WDPCP: variants seen among roughly 807,000 people sequenced by gnomAD.
The protein encoded by WDPCP is WD repeat-containing and planar cell polarity effector protein fritz homolog.
Under a neutral mutation model 93.1 loss-of-function variants are expected in WDPCP, and 71 were observed. The ratio of observed to expected loss-of-function variants is 0.76; its 90% CI spans 0.63 to 0.93. WDPCP has a LOEUF of 0.93. Ranked by LOEUF, WDPCP falls within the 40% of genes least tolerant of loss-of-function variation. The pLI is 0.00. For synonymous variants in WDPCP, 315 were observed against 315.0 expected, an observed-to-expected ratio of 1.00 and a Z score of 0.00; for missense variants, 844 against 887.4, an observed-to-expected ratio of 0.95 and a Z score of 0.62.
At chr2:63,759,188 A>G (rs1488679585) in intron 2 of WDPCP, among the ~76,000 whole-genome samples, 1 of 151,900 alleles carries the variant, frequency 6.6e-6, no homozygotes, top group African/African-American at 2.4e-5. Flanking sequence ...AAGCTTTAGG[A>G]CCCCTCACTT....
At chr2:63,650,979 A>T (rs1710102151) in intron 2 of WDPCP, 1 of 152,172 alleles carries the variant, frequency 6.6e-6, no homozygotes, top group African/African-American at 2.4e-5. Flanking sequence ...AGCCCAGTGG[A>T]CTTGGATGTA....
At chr2:63,817,821 C>T (rs1670960511) in intron 1 of WDPCP, among the ~76,000 whole-genome samples, 1 of 152,218 alleles carries the variant, frequency 6.6e-6, no homozygotes, top group Non-Finnish European at 1.5e-5. Context: ...TCTTCTTGCT[C>T]TAACATTCTG....
At chr2:63,133,688 C>T (rs1670438043) in intron 17 of WDPCP, among the ~76,000 whole-genome samples, 1 of 152,214 alleles carries the variant, frequency 6.6e-6, no homozygotes, top group African/African-American at 2.4e-5. Context: ...TATAAGGTTC[C>T]TGAGGTCTCC....
chr2:63,734,011 C>T (rs938527858), intron 2 of WDPCP, among the ~76,000 whole-genome samples: 2 of 152,076 alleles, frequency 1.3e-5, no homozygotes, highest in Admixed American at 1.3e-4. Flanking sequence ...CATATGTAAC[C>T]TTTTGTGTTT....
At position 63,156,166 on chromosome 2, in the gene WDPCP, A is replaced by AT. The variant is rs968834950; in HGVS notation, c.2079-2593dup. Among the ~76,000 whole-genome samples, 214 of 149,106 alleles carry AT rather than the reference A, an allele frequency of 1.4e-3. 2 individuals carry two copies. The highest frequency in any genetic ancestry group is 4.8e-3 in the East Asian group (24 of 5,022). The stretch of plus-strand genomic sequence containing the variant: ...AGGCGTGTGCCACCACACCCGGCTA[A>AT]TTTTTTTTTTATTTTTAACAGAGAC... On this transcript the variant is annotated intron_variant, in intron 15 of 17. Transcript: ENST00000272321.
rs573577968 is a variant in WDPCP at position 63,391,402 on chromosome 2, A to G, written c.1436-9308T>C. ...TGATGGAATATATCCCCAAACAATA[A>G]GAGCTATTTATGACAAACCCACAGC... is the stretch of plus-strand genomic sequence containing the variant. On this transcript the variant is annotated intron_variant, in intron 10 of 17. Transcript: ENST00000272321. Among the ~76,000 whole-genome samples the G allele has an allele frequency of 3.7e-4, 57 of 152,312 alleles. No individual in the cohort carries two copies. The South Asian group carries it at 9.5e-3, about 25-fold the overall frequency.
At chr2:63,517,128 C>T (rs558710921) in intron 1 of WDPCP, among the ~76,000 whole-genome samples, 1 of 152,208 alleles carries the variant, frequency 6.6e-6, no homozygotes, top group Non-Finnish European at 1.5e-5. Flanking sequence ...GTAGTTTATG[C>T]CCTCATCTTA....
intron 1 of WDPCP, among the ~76,000 whole-genome samples, chr2:63,520,896 C>CAA: frequency 1.0e-5 from 1 of 99,790 alleles, no homozygotes; most frequent in Non-Finnish European, 1.9e-5. Context: ...GACCCTATCT[C>CAA]AAAAAAAAAA....
intron 6 of WDPCP, among the ~76,000 whole-genome samples, chr2:63,451,385 C>G (rs1395320070): frequency 1.3e-5 from 2 of 152,176 alleles, no homozygotes; most frequent in Non-Finnish European, 2.9e-5. Context: ...CCTTCCAAGA[C>G]TAAACCAGGA....
chr2:63,149,885 T>C (rs1671775818), intron 17 of WDPCP, among the ~76,000 whole-genome samples: 1 of 152,080 alleles, frequency 6.6e-6, no homozygotes, highest in Non-Finnish European at 1.5e-5. Context: ...CCTATAATTC[T>C]AGCTACTCAG....
chr2:63,752,464 C>T, intron 2 of WDPCP: 1 of 787,048 alleles, frequency 1.3e-6, no homozygotes, highest in Non-Finnish European at 2.2e-6. Context: ...AGGTGACAAA[C>T]CCAAAGCCCC....
At chr2:63,142,876 A>G (rs1208170414) in intron 17 of WDPCP, among the ~76,000 whole-genome samples, 1 of 151,140 alleles carries the variant, frequency 6.6e-6, no homozygotes, top group Non-Finnish European at 1.5e-5. Context: ...ACACATACAT[A>G]TATACACATA....
intron 2 of WDPCP, among the ~76,000 whole-genome samples, chr2:63,780,862 C>A (rs1395953132): frequency 6.6e-6 from 1 of 152,068 alleles, no homozygotes; most frequent in Non-Finnish European, 1.5e-5. Context: ...GTAATGAAGC[C>A]CTTTTAGACT....
intron 13 of WDPCP, among the ~76,000 whole-genome samples, chr2:63,270,491 G>A (rs1186183029): frequency 6.6e-6 from 1 of 151,874 alleles, no homozygotes; most frequent in Non-Finnish European, 1.5e-5. Context: ...TGGGGAGGAG[G>A]CTTTCAAGAT....
chr2:63,403,560 G>A (rs78236255), intron 10 of WDPCP: 1 of 153,740 alleles, frequency 6.5e-6, no homozygotes, highest in Non-Finnish European at 1.4e-5. Flanking sequence ...AGTTATACAG[G>A]TATCTTCAGC....
intron 2 of WDPCP, among the ~76,000 whole-genome samples, chr2:63,721,284 T>C (rs1669409196): frequency 6.6e-6 from 1 of 152,232 alleles, no homozygotes; most frequent in Non-Finnish European, 1.5e-5. Flanking sequence ...GGGGAGGTGC[T>C]CTGGCTGTTG....
intron 12 of WDPCP, among the ~76,000 whole-genome samples, chr2:63,330,537 A>G (rs1687901354): frequency 6.6e-6 from 1 of 150,908 alleles, no homozygotes; most frequent in African/African-American, 2.4e-5. Context: ...GTTGCCTTTC[A>G]TTTTGCTGAT....
intron 2 of WDPCP, among the ~76,000 whole-genome samples, chr2:63,765,133 T>C (rs1670118350): frequency 6.6e-6 from 1 of 152,158 alleles, no homozygotes; most frequent in Non-Finnish European, 1.5e-5. Context: ...TAGGACTACA[T>C]AAATATTGAC....
chr2:63,825,668 T>C (rs777327581), intron 1 of WDPCP, among the ~76,000 whole-genome samples: 2 of 151,978 alleles, frequency 1.3e-5, no homozygotes, highest in Non-Finnish European at 2.9e-5. Context: ...GGAATTGAGG[T>C]TGATGGAGAC....
Sources: gnomAD v4.1 joint callset for allele counts (sites outside exome capture counted in the v4.1 genomes callset) on GRCh38, gnomAD v4.1.1 for gene constraint, MANE v1.5 for transcripts, NCBI Gene and HGNC (gene_info 2026-07-23, HGNC 2026-07-21) for gene names.